Variants in HERC2 observed in about 807,000 individuals in gnomAD.
HERC2 encodes E3 ubiquitin-protein ligase HERC2.
Under a neutral mutation model 537.7 loss-of-function variants are expected in HERC2, and 102 were observed. The ratio of observed to expected loss-of-function variants is 0.19; its 90% confidence interval spans 0.16 to 0.22. The LOEUF (loss-of-function observed/expected upper bound fraction) is 0.22. HERC2 is among the 10% of genes least tolerant of loss of function. The probability of loss-of-function intolerance (pLI) is 1.00; values close to 1 mark genes in which losing one functional copy is unlikely to be tolerated. For missense variants in HERC2, 4,236 were observed against 6,198.2 expected (o/e 0.68, Z 10.63); for synonymous variants, 2,224 against 2,466.2 (o/e 0.90, Z 2.91).
Position 28,234,176 on chromosome 15 carries a change from G to C in HERC2, c.4112C>G (p.Pro1371Arg), listed in dbSNP as rs1276710618. The C allele has an allele frequency of 1.1e-6, 1 of 908,358 alleles. No homozygotes were observed. The highest frequency in any genetic ancestry group is 1.3e-5 in the South Asian group (1 of 76,344). 56.3% of individuals were successfully genotyped at this position (908,358 alleles called of 1,614,324 possible). A position where few individuals can be genotyped will look rare whatever the true frequency, so the allele number is the denominator to read the frequency against. ...GGAGCAGAGTCGAGATTTGCTGGCA[G>C]GTGTGCCCCCTGGGGAGCTGCAGTG... Reference protein sequence around the residue: ...EDHCSSPGGTPASKSRLCSHR... With the variant: ...EDHCSSPGGTRASKSRLCSHR... The change falls in exon 27 of 93, where the codon CCT becomes CGT. Residue 1371 changes from proline to arginine, a missense_variant. Physicochemically the swap from Pro to Arg is moderately radical, Grantham distance 103 (BLOSUM62 -2). This residue lies in a region of HERC2 where 94 missense variants were observed against 174.9 expected (regional missense o/e 0.54). Transcript: ENST00000261609.
At position 28,223,588 on chromosome 15, in the gene HERC2, G is replaced by T. The variant is rs1226178357; in HGVS notation, c.5465-1373C>A. On this transcript the variant is annotated intron_variant, in intron 35 of 92. Transcript: ENST00000261609. ...TGGATCTCCCAGGATCCCCTGGGCA[G>T]CTATACTGTTAACTCTGTAAAGACT... Among the ~76,000 whole-genome samples, 2 of 152,144 alleles carry T rather than the reference G, an allele frequency of 1.3e-5. 1 individual carries two copies. The highest frequency in any genetic ancestry group is 1.3e-4 in the Admixed American group (2 of 15,264).
chr15:28,124,538 A>C (rs1411790965), intron 84 of HERC2, among the ~76,000 whole-genome samples: 1 of 146,300 alleles, frequency 6.8e-6, no homozygotes, highest in Non-Finnish European at 1.5e-5. Context: ...CACACTGTAC[A>C]CACAGAATAT....
Position 28,116,874 on chromosome 15 carries a change from C to G in HERC2, c.13415-15G>C. 1 of 1,608,308 alleles carries G rather than the reference C, an allele frequency of 6.2e-7. No homozygotes were observed. The highest frequency in any genetic ancestry group is 8.5e-7 in the Non-Finnish European group (1 of 1,177,162). On this transcript the variant is annotated splice_polypyrimidine_tract_variant and intron_variant, in intron 87 of 92. Coordinates refer to ENST00000261609, the MANE Select transcript of HERC2 (RefSeq NM_004667.6). ...CACAGATTCACCTGCAGGGGAGAAG[C>G]AGCCACTCGAAGTCCCCTCACACAG...
At chr15:28,300,453 C>G in intron 2 of HERC2, among the ~76,000 whole-genome samples, 1 of 150,728 alleles carries the variant, frequency 6.6e-6, no homozygotes, top group South Asian at 2.1e-4. Flanking sequence ...AATTTTAGAA[C>G]TACTTCATGT....
intron 21 of HERC2, among the ~76,000 whole-genome samples, chr15:28,247,904 T>A (rs1903883072): frequency 6.6e-6 from 1 of 152,212 alleles, no homozygotes. Context: ...AAATTACTAA[T>A]GGAAGCAGCA....
At chr15:28,299,833 CG>C (rs909036637) in intron 2 of HERC2, among the ~76,000 whole-genome samples, 21 of 152,014 alleles carry the variant, frequency 1.4e-4, no homozygotes, top group African/African-American at 5.1e-4. Flanking sequence ...GGGCACATCA[CG>C]GGGGATCAGG....
At position 28,113,709 on chromosome 15, in the gene HERC2, T is replaced by A. The variant is rs745572391; in HGVS notation, c.13914-31A>T. On this transcript the variant is annotated intron_variant, in intron 90 of 92. Transcript: ENST00000261609. This position sits in a 1 kb window ranked among gnomAD's most constrained non-coding sequence, Gnocchi z 7.0. ...AGAAAAAGCTCACTTTACACTTCTG[T>A]CTTCAGTGACACTGACTTTATGCTG... 1 of 1,564,932 alleles carries A rather than the reference T, an allele frequency of 6.4e-7. No individual in the cohort carries two copies. The highest frequency in any genetic ancestry group is 8.8e-7 in the Non-Finnish European group (1 of 1,136,610).
Position 28,248,743 on chromosome 15 carries a change from A to G in HERC2, c.3051-7T>C. 1 of 1,599,734 alleles carries G rather than the reference A, an allele frequency of 6.3e-7. No homozygotes were observed. Among genetic ancestry groups the G allele is most frequent in the Non-Finnish European group, 8.5e-7 (1 of 1,170,244 alleles). Reference sequence around the variant, plus strand: ...AGTCTGAGAAGCAATGTTTCTATACAGGAAAGAAGAGGATTACAAAATTAA... The same window carrying G: ...AGTCTGAGAAGCAATGTTTCTATACGGGAAAGAAGAGGATTACAAAATTAA... On this transcript the variant is annotated splice_region_variant and splice_polypyrimidine_tract_variant and intron_variant, in intron 20 of 92. Transcript: ENST00000261609.
At chr15:28,217,803 C>T (rs1340218163) in intron 38 of HERC2, among the ~76,000 whole-genome samples, 5 of 152,122 alleles carry the variant, frequency 3.3e-5, no homozygotes, top group Admixed American at 2.6e-4. Context: ...CATGTGAAGA[C>T]GCAGGCAGAG....
intron 57 of HERC2, 46 bp downstream of exon 57, chr15:28,182,355 G>A: frequency 8.3e-7 from 1 of 1,208,662 alleles, no homozygotes; most frequent in Non-Finnish European, 1.2e-6. Context: ...AGGTGTGGCT[G>A]CTGCCGAGTG....
rs964471125 is a variant in HERC2, at chr15:28,186,709, G to A, written c.8693C>T (p.Ser2898Leu). ...IEIAIKQCRS[S>L]GIDCKIHGLI... is the part of the protein sequence containing the mutation. ...ACCATGGATTTTACAATCGATTCCT[G>A]AGCTCCTGCACTGCTTTATAGCAAT... Residue 2898 changes from serine (S) to leucine (L), a missense_variant, in exon 56 of 93, where the codon TCA becomes TTA. By Grantham distance (145) the Ser-to-Leu change is moderately radical. Transcript: ENST00000261609. 7.4e-6 allele frequency: 12 copies of A among 1,613,996 alleles called. No individual in the cohort carries two copies. The highest frequency in any genetic ancestry group is 1.0e-5 in the Non-Finnish European group (12 of 1,179,922).
chr15:28,226,257 T>G lies in HERC2; in HGVS notation c.5464+1961A>C, dbSNP rs190065162. 1.6e-3 allele frequency among the ~76,000 whole-genome samples: 249 copies of G among 152,302 alleles called. 1 individual carries two copies. Among genetic ancestry groups the G allele is most frequent in the African/African-American group, 5.8e-3 (242 of 41,546 alleles). On this transcript the variant is annotated intron_variant, in intron 35 of 92. Transcript: ENST00000261609. ...CCCTAGCAAAAATCCCAATGGTCTT[T>G]TTTGCAGATATGGAAAAGCCAGCCT... is the stretch of plus-strand genomic sequence containing the variant.
chr15:28,197,213 G>A (rs772813219), intron 50 of HERC2, among the ~76,000 whole-genome samples: 6 of 152,186 alleles, frequency 3.9e-5, no homozygotes, highest in Non-Finnish European at 8.8e-5. Flanking sequence ...GATGAAAAGA[G>A]AGCCTTCCAC....
In HERC2 at chr15:28,182,444, C is replaced by T; in HGVS notation, c.8894G>A (p.Gly2965Asp). Residue 2965 changes from glycine (G) to aspartate (D), a missense_variant, in exon 57 of 93, where the codon GGC becomes GAC. Transcript: ENST00000261609. ...ATIRTKVFVW[G>D]LNDKDQLGGL... is the part of the protein sequence containing the mutation. ...GCCCAGCTGGTCCTTGTCATTCAGG[C>T]CCCACACAAACACCTTGGTTCTTAT... 6.2e-7 allele frequency: 1 copy of T among 1,613,900 alleles called. No individual in the cohort carries two copies. Among genetic ancestry groups the T allele is most frequent in the Non-Finnish European group, 8.5e-7 (1 of 1,179,988 alleles).
chr15:28,275,515 A>G (rs1374245736), intron 5 of HERC2, among the ~76,000 whole-genome samples: 1 of 152,228 alleles, frequency 6.6e-6, no homozygotes, highest in Non-Finnish European at 1.5e-5. Flanking sequence ...GGTGGTGCTC[A>G]TCACCCTCCT....
chr15:28,232,059 G>A (rs141819591), intron 30 of HERC2, among the ~76,000 whole-genome samples: 13 of 152,232 alleles, frequency 8.5e-5, no homozygotes, highest in African/African-American at 2.4e-4. Context: ...TGTGACTTCC[G>A]GATCCAGAGC....
chr15:28,138,157 G>A (rs373291791), intron 78 of HERC2, among the ~76,000 whole-genome samples: 16 of 152,198 alleles, frequency 1.1e-4, no homozygotes, highest in African/African-American at 3.6e-4. Flanking sequence ...GAAAGACGCC[G>A]TCTTCATAAC....
intron 65 of HERC2, among the ~76,000 whole-genome samples, chr15:28,174,106 G>C (rs1215992707): frequency 2.0e-5 from 3 of 152,114 alleles, no homozygotes. Context: ...GCCCAGTACA[G>C]TGCCTGTATC....
chr15:28,183,791 G>A (rs1314620549), intron 56 of HERC2, among the ~76,000 whole-genome samples: 1 of 152,156 alleles, frequency 6.6e-6, no homozygotes, highest in Non-Finnish European at 1.5e-5. Flanking sequence ...AAAATTTCAT[G>A]TTTTGGAATA....
Sources: gnomAD v4.1 joint callset for allele counts (sites outside exome capture counted in the v4.1 genomes callset) on GRCh38, gnomAD v4.1.1 for gene constraint, gnomAD v4.1.1 regional missense constraint, Gnocchi (gnomAD v3.1) non-coding constraint, MANE v1.5 for transcripts, NCBI Gene and HGNC (gene_info 2026-07-23, HGNC 2026-07-21) for gene names.